Variants in GALNT8 observed in about 807,000 individuals in gnomAD.
The protein encoded by GALNT8 is probable polypeptide N-acetylgalactosaminyltransferase 8.
Under a neutral mutation model 62.7 loss-of-function variants are expected in GALNT8, and 66 were observed. The observed-to-expected ratio is 1.05, with a 90% CI of 0.86 to 1.29. The LOEUF (loss-of-function observed/expected upper bound fraction) is 1.29. Among genes scored for constraint, GALNT8 ranks in the 50% most tolerant of loss-of-function variants. GALNT8 has a pLI of 0.00. For missense variants in GALNT8, 771 were observed against 791.8 expected (o/e 0.97, Z 0.32); for synonymous variants, 288 against 294.3 (o/e 0.98, Z 0.22).
intron 1 of GALNT8, among the ~76,000 whole-genome samples, chr12:4,722,810 G>T (rs186476091): frequency 3.9e-5 from 6 of 152,160 alleles, no homozygotes; most frequent in Admixed American, 3.9e-4. Context: ...CTGGGAGATG[G>T]GTGGAAGGAA....
chr12:4,737,529 C>G (rs1946250946), intron 2 of GALNT8, among the ~76,000 whole-genome samples: 1 of 152,198 alleles, frequency 6.6e-6, no homozygotes, highest in Non-Finnish European at 1.5e-5. Context: ...CCAGATTATT[C>G]TGTTTTTCTT....
chr12:4,740,376 C>G (rs758344445), intron 3 of GALNT8, among the ~76,000 whole-genome samples: 1 of 151,710 alleles, frequency 6.6e-6, no homozygotes, highest in Non-Finnish European at 1.5e-5. Flanking sequence ...TAAATGAGAT[C>G]ATAATGGCAG....
chr12:4,739,882 T>C (rs1337372809), intron 3 of GALNT8, among the ~76,000 whole-genome samples: 2 of 152,086 alleles, frequency 1.3e-5, no homozygotes, highest in African/African-American at 2.4e-5. Flanking sequence ...TTAGCCATGA[T>C]GGTCTCGATC....
At chr12:4,736,244 A>C (rs1434926594) in intron 2 of GALNT8, among the ~76,000 whole-genome samples, 1 of 152,192 alleles carries the variant, frequency 6.6e-6, no homozygotes, top group Non-Finnish European at 1.5e-5. Context: ...CTTAGGGCCA[A>C]CCTCTGAACA....
chr12:4,747,751 T>A (rs1296607600), intron 6 of GALNT8, among the ~76,000 whole-genome samples: 1 of 152,168 alleles, frequency 6.6e-6, no homozygotes, highest in East Asian at 1.9e-4. Context: ...GATTGCTGGA[T>A]CATATGGTAG....
At chr12:4,746,354 C>T in intron 6 of GALNT8, 96 bp downstream of exon 6, 2 of 768,692 alleles carry the variant, frequency 2.6e-6, no homozygotes, top group South Asian at 3.1e-5. Flanking sequence ...GGCTGAATGT[C>T]ATTGGCTCAA....
chr12:4,746,989 AGCAGTGAT>A lies in GALNT8; in HGVS notation c.1173+734_1173+741del, dbSNP rs1225652653. Among the ~76,000 whole-genome samples, 5 of 152,330 alleles carry A rather than the reference AGCAGTGAT, an allele frequency of 3.3e-5. No individual in the cohort carries two copies. The East Asian group carries it at 7.7e-4, about 23-fold the overall frequency. On this transcript the variant is annotated intron_variant, in intron 6 of 10. Transcript: ENST00000252318. ...TGGAAAAATACTGGCTTCACACTTA[AGCAGTGAT>A]GCCTCTTGTCTGCCCCTGACAGCTT...
chr12:4,763,485 C>A, intron 8 of GALNT8, 95 bp downstream of exon 8: 1 of 972,826 alleles, frequency 1.0e-6, no homozygotes, highest in Non-Finnish European at 1.6e-6. Flanking sequence ...GCCCAAGACG[C>A]CCTTCCTACC....
At chr12:4,731,696 A>G (rs549739770) in intron 2 of GALNT8, among the ~76,000 whole-genome samples, 3 of 152,296 alleles carry the variant, frequency 2.0e-5, no homozygotes, top group East Asian at 1.9e-4. Flanking sequence ...TCATGAAAAA[A>G]TGTTGAGTTT....
intron 10 of GALNT8, among the ~76,000 whole-genome samples, chr12:4,769,828 C>T (rs894220844): frequency 2.6e-5 from 4 of 151,990 alleles, no homozygotes; most frequent in Non-Finnish European, 5.9e-5. Flanking sequence ...GCTCCATGCC[C>T]GCCTCACCTG....
chr12:4,722,358 C>A (rs1476172360), intron 1 of GALNT8, among the ~76,000 whole-genome samples: 2 of 152,104 alleles, frequency 1.3e-5, no homozygotes, highest in Non-Finnish European at 2.9e-5. Flanking sequence ...TGACTTTGAG[C>A]AAGTGCTTCT....
In GALNT8 at chr12:4,726,813, G is replaced by T. The variant is rs1277121224; in HGVS notation, c.493G>T (p.Asp165Tyr). 1 of 1,612,268 alleles carries T rather than the reference G, an allele frequency of 6.2e-7. No homozygotes were observed. The highest frequency in any genetic ancestry group is 8.5e-7 in the Non-Finnish European group (1 of 1,178,954). Residue 165 changes from aspartate (D) to tyrosine (Y), a missense_variant, in exon 2 of 11, where the codon GAC becomes TAC. Transcript: ENST00000252318. This position sits in a 1 kb window ranked among gnomAD's most constrained non-coding sequence, Gnocchi z 4.1. ...GCTGCCTCTCAATCGCACCATCCCCGACACGCGAGACTACAGGTGGGATGA... is the reference window on the plus strand; with the variant it reads ...GCTGCCTCTCAATCGCACCATCCCCTACACGCGAGACTACAGGTGGGATGA... ...NQLPLNRTIP[D>Y]TRDYRCLRKT... is the part of the protein sequence containing the mutation.
chr12:4,739,831 A>AT (rs1212706140), intron 3 of GALNT8, among the ~76,000 whole-genome samples: 3 of 151,126 alleles, frequency 2.0e-5, no homozygotes, highest in Admixed American at 6.6e-5. Flanking sequence ...CACCCAGCTT[A>AT]TTTTTTTGTA....
In GALNT8 at chr12:4,735,456, A is replaced by G. The variant is rs78363609; in HGVS notation, c.510-3707A>G. Among the ~76,000 whole-genome samples, 1,309 of 152,122 alleles carry G rather than the reference A, an allele frequency of 8.6e-3. 19 individuals are homozygous for G. Among genetic ancestry groups the G allele is most frequent in the African/African-American group, 0.03 (1,242 of 41,486 alleles). ...TCCCTGTCCCTGCAGGTCCTAGCAT[A>G]CATAGGTCCTTGGTATCACCCCAGG... On this transcript the variant is annotated intron_variant, in intron 2 of 10. Transcript: ENST00000252318.
At chr12:4,760,195 A>G (rs1946365114) in intron 6 of GALNT8, among the ~76,000 whole-genome samples, 1 of 152,192 alleles carries the variant, frequency 6.6e-6, no homozygotes, top group South Asian at 2.1e-4. Context: ...CACTGGGGAA[A>G]GATCTGCTTT....
At chr12:4,752,070 C>T (rs1250746250) in intron 6 of GALNT8, among the ~76,000 whole-genome samples, 1 of 152,066 alleles carries the variant, frequency 6.6e-6, no homozygotes, top group Non-Finnish European at 1.5e-5. Flanking sequence ...AATATAGCTA[C>T]TCGGCTTTGT....
chr12:4,721,734 A>G (rs1352784887), intron 1 of GALNT8, among the ~76,000 whole-genome samples: 1,456 of 133,780 alleles, frequency 0.011, no homozygotes, highest in African/African-American at 0.022. Context: ...CAACTGCAGA[A>G]AGGCGTTCCT....
intron 7 of GALNT8, among the ~76,000 whole-genome samples, chr12:4,762,509 A>G (rs1450236608): frequency 6.6e-6 from 1 of 152,244 alleles, no homozygotes; most frequent in African/African-American, 2.4e-5. Flanking sequence ...TTTTCTGGCC[A>G]TATCATGAGG....
At chr12:4,737,299 C>T (rs1010642158) in intron 2 of GALNT8, among the ~76,000 whole-genome samples, 3 of 152,118 alleles carry the variant, frequency 2.0e-5, no homozygotes, top group Non-Finnish European at 2.9e-5. Flanking sequence ...ACCCTGGGAA[C>T]CAGTGCTAGG....
Sources: gnomAD v4.1 joint callset for allele counts (sites outside exome capture counted in the v4.1 genomes callset) on GRCh38, gnomAD v4.1.1 for gene constraint, Gnocchi (gnomAD v3.1) non-coding constraint, MANE v1.5 for transcripts, NCBI Gene and HGNC (gene_info 2026-07-23, HGNC 2026-07-21) for gene names.